GASK1A: variants seen among roughly 807,000 people sequenced by gnomAD.
GASK1A encodes the protein golgi associated kinase 1A.
Under a neutral mutation model 41.2 loss-of-function variants are expected in GASK1A, and 40 were observed. The ratio of observed to expected loss-of-function variants is 0.97; its 90% CI spans 0.75 to 1.27. The LOEUF (loss-of-function observed/expected upper bound fraction) is 1.27, where lower values mean the gene tolerates loss of function less well. Ranked by LOEUF, GASK1A falls within the 50% of genes most tolerant of loss-of-function variation. The pLI, the probability that GASK1A is intolerant of heterozygous loss-of-function variation, is 0.00. For missense variants in GASK1A, 678 were observed against 745.1 expected (o/e 0.91, Z 1.05); for synonymous variants, 316 against 307.1 (o/e 1.03, Z -0.30).
chr3:43,035,484 A>G (rs1488957595), intron 2 of GASK1A, among the ~76,000 whole-genome samples: 1 of 152,166 alleles, frequency 6.6e-6, no homozygotes, highest in African/African-American at 2.4e-5. Flanking sequence ...GATGCCCTGT[A>G]TGCGTATTCT....
At chr3:42,991,754 A>G (rs1469215982) in intron 1 of GASK1A, among the ~76,000 whole-genome samples, 1 of 152,196 alleles carries the variant, frequency 6.6e-6, no homozygotes, top group East Asian at 1.9e-4. Flanking sequence ...TGCTGGAAGG[A>G]GAGTGAGTGG....
chr3:43,001,456 T>C (rs1348973430), intron 1 of GASK1A, among the ~76,000 whole-genome samples: 1 of 152,230 alleles, frequency 6.6e-6, no homozygotes, highest in Admixed American at 6.5e-5. Context: ...CCAGATATTA[T>C]GAAATATTGG....
At chr3:43,038,282 T>G (rs2089614905) in intron 2 of GASK1A, among the ~76,000 whole-genome samples, 1 of 152,230 alleles carries the variant, frequency 6.6e-6, no homozygotes, top group Non-Finnish European at 1.5e-5. Context: ...GTGGTTAATA[T>G]TGTGCATGTT....
intron 1 of GASK1A, among the ~76,000 whole-genome samples, chr3:43,018,736 G>A (rs867763526): frequency 2.0e-5 from 3 of 152,214 alleles, no homozygotes; most frequent in Middle Eastern, 6.8e-3. Context: ...ATAGAAAAAG[G>A]TTGCAACCTG....
chr3:43,056,080 C>A, intron 4 of GASK1A, 96 bp from the exon 5 acceptor site: 1 of 993,082 alleles, frequency 1.0e-6, no homozygotes, highest in Non-Finnish European at 1.5e-6. Flanking sequence ...CTCAGCTATG[C>A]AAGCTCTGGC....
rs1210557211 is a variant in GASK1A at position 43,051,568 on chromosome 3, G to A, written c.1291-1953G>A. Among the ~76,000 whole-genome samples, 4 of 152,254 alleles carry A rather than the reference G, an allele frequency of 2.6e-5. No individual in the cohort carries two copies. The South Asian group carries it at 6.2e-4, about 24-fold the overall frequency. ...TTTCTAGATTTCCAGGAACATATTGGAGCTTTTCACAGCCCCTTGGACATT... is the reference window on the plus strand; with the variant it reads ...TTTCTAGATTTCCAGGAACATATTGAAGCTTTTCACAGCCCCTTGGACATT... On this transcript the variant is annotated intron_variant, in intron 2 of 4. Coordinates refer to ENST00000430121, the MANE Select transcript of GASK1A (RefSeq NM_001129908.3).
chr3:43,049,931 C>CCA (rs397958321), intron 2 of GASK1A, among the ~76,000 whole-genome samples: 4 of 151,112 alleles, frequency 2.6e-5, no homozygotes, highest in African/African-American at 4.8e-5. Context: ...TCTCCCCCCC[C>CCA]ACTTTTATGC....
Position 43,055,539 on chromosome 3 carries a change from A to G in GASK1A, c.1517+4A>G. On this transcript the variant is annotated splice_donor_region_variant and intron_variant, in intron 4 of 4. Coordinates refer to ENST00000430121, the MANE Select transcript of GASK1A (RefSeq NM_001129908.3). ...GGCTGCTGGAGGGCATAGATGGGTG[A>G]GGGTCAAAAGGGTTGGGTGGAAGTT... The G allele has an allele frequency of 1.3e-6, 2 of 1,547,590 alleles. No homozygotes were observed. Among genetic ancestry groups the G allele is most frequent in the Non-Finnish European group, 1.7e-6 (2 of 1,143,140 alleles).
intron 1 of GASK1A, among the ~76,000 whole-genome samples, chr3:43,007,789 T>C (rs1351210962): frequency 6.6e-6 from 1 of 152,274 alleles, no homozygotes; most frequent in East Asian, 1.9e-4. Flanking sequence ...AGTCTACCAT[T>C]TTTAGCTGAA....
intron 1 of GASK1A, among the ~76,000 whole-genome samples, chr3:43,025,334 C>T (rs1314579247): frequency 6.6e-6 from 1 of 152,154 alleles, no homozygotes; most frequent in Non-Finnish European, 1.5e-5. Flanking sequence ...GAATGAAGGT[C>T]AGGCCCAGAT....
Position 42,996,845 on chromosome 3 carries a change from C to G in GASK1A, c.3+17200C>G, listed in dbSNP as rs369025579. Among the ~76,000 whole-genome samples the G allele has an allele frequency of 9.9e-5, 15 of 152,174 alleles. No homozygotes were observed. The East Asian group carries it at 1.5e-3, about 16-fold the overall frequency. On this transcript the variant is annotated intron_variant, in intron 1 of 4. Transcript: ENST00000430121. ...TACTCAGTTCCTGGCTCAGCCTGTG[C>G]CCCGTGGGCTGTAGGTCATCTACAC...
intron 3 of GASK1A, 112 bp downstream of exon 3, chr3:43,053,755 T>A (rs1281123673): frequency 8.2e-7 from 1 of 1,219,966 alleles, no homozygotes; most frequent in East Asian, 2.5e-5. Flanking sequence ...GGTTTCCCAG[T>A]CTTGTTCTTT....
At chr3:43,044,906 A>G (rs755891964) in intron 2 of GASK1A, among the ~76,000 whole-genome samples, 48 of 152,202 alleles carry the variant, frequency 3.2e-4, no homozygotes, top group Non-Finnish European at 5.7e-4. Context: ...ACAAGAGTGC[A>G]TAATGTGGGT....
At chr3:43,006,449 T>A (rs929592738) in intron 1 of GASK1A, among the ~76,000 whole-genome samples, 20 of 152,344 alleles carry the variant, frequency 1.3e-4, no homozygotes, top group African/African-American at 4.6e-4. Context: ...TCATATTTGA[T>A]TGATAGTTTG....
At chr3:43,006,777 G>T (rs1388192505) in intron 1 of GASK1A, among the ~76,000 whole-genome samples, 1 of 152,178 alleles carries the variant, frequency 6.6e-6, no homozygotes, top group Non-Finnish European at 1.5e-5. Context: ...GAGAAGCAGG[G>T]AAACAGGAGA....
intron 1 of GASK1A, among the ~76,000 whole-genome samples, chr3:43,007,613 C>G (rs1374129702): frequency 6.6e-6 from 1 of 152,214 alleles, no homozygotes; most frequent in East Asian, 1.9e-4. Context: ...TGAGTCTGCT[C>G]AGGCCATTGC....
At chr3:42,988,805 C>T (rs1209159364) in intron 1 of GASK1A, among the ~76,000 whole-genome samples, 1 of 152,236 alleles carries the variant, frequency 6.6e-6, no homozygotes, top group East Asian at 1.9e-4. Context: ...GCTTCACATG[C>T]TCCAGGGCTG....
chr3:43,050,432 G>A (rs181412486), intron 2 of GASK1A, among the ~76,000 whole-genome samples: 16 of 152,184 alleles, frequency 1.1e-4, no homozygotes, highest in Non-Finnish European at 2.2e-4. Flanking sequence ...TGTGATGAGT[G>A]ACTTCTGTCT....
intron 1 of GASK1A, among the ~76,000 whole-genome samples, chr3:42,988,514 C>T (rs1387365536): frequency 5.9e-5 from 9 of 152,116 alleles, no homozygotes; most frequent in African/African-American, 1.4e-4. Context: ...GAGAGAAAAA[C>T]GAGAAGAGTC....
Sources: allele counts gnomAD v4.1 joint callset (sites outside exome capture counted in the v4.1 genomes callset), GRCh38; gene constraint gnomAD v4.1.1; transcripts MANE v1.5; gene names NCBI Gene and HGNC (gene_info 2026-07-23, HGNC 2026-07-21).